SLC24A2: variants seen among roughly 807,000 people sequenced by gnomAD.
SLC24A2 encodes solute carrier family 24 member 2, also known as sodium/potassium/calcium exchanger 2.
In SLC24A2, 36 loss-of-function variants were observed where a neutral mutation model predicts 62.0. That is an observed-to-expected ratio of 0.58 (90% CI 0.44 to 0.77). The LOEUF (loss-of-function observed/expected upper bound fraction) is 0.77. Among genes scored for constraint, SLC24A2 ranks in the 30% least tolerant of loss-of-function variants. The probability of loss-of-function intolerance (pLI) is 0.00; values close to 1 mark genes in which losing one functional copy is unlikely to be tolerated. For missense variants in SLC24A2, 846 were observed against 817.9 expected (o/e 1.03, Z -0.42); for synonymous variants, 358 against 294.0 (o/e 1.22, Z -2.23).
At chr9:19,631,569 A>G (rs762622924) in intron 2 of SLC24A2, among the ~76,000 whole-genome samples, 62 of 152,126 alleles carry the variant, frequency 4.1e-4, no homozygotes, top group Non-Finnish European at 6.8e-4. Context: ...TATACTTCCA[A>G]TTTTGCCCAC....
chr9:19,682,234 G>A (rs1819743892), intron 2 of SLC24A2, among the ~76,000 whole-genome samples: 1 of 152,164 alleles, frequency 6.6e-6, no homozygotes, highest in Non-Finnish European at 1.5e-5. Context: ...TGGGCCAGGA[G>A]TAAGAGTCTC....
the SLC24A2 span, among the ~76,000 whole-genome samples, chr9:20,234,522 C>T: frequency 6.6e-6 from 1 of 152,236 alleles, no homozygotes; most frequent in Non-Finnish European, 1.5e-5. Flanking sequence ...ATCGCATCAG[C>T]TACTGAGGCT....
chr9:20,056,836 C>T, the SLC24A2 span, among the ~76,000 whole-genome samples: 1 of 152,192 alleles, frequency 6.6e-6, no homozygotes, highest in Non-Finnish European at 1.5e-5. Flanking sequence ...CATCTCCATC[C>T]TCTTGAATGA....
At chr9:20,245,018 C>T in the SLC24A2 span, among the ~76,000 whole-genome samples, 3 of 152,092 alleles carry the variant, frequency 2.0e-5, no homozygotes, top group Non-Finnish European at 2.9e-5. Context: ...TCCTAAGTCA[C>T]GTATTCCTGT....
At chr9:20,306,620 T>C in the SLC24A2 span, among the ~76,000 whole-genome samples, 7 of 152,266 alleles carry the variant, frequency 4.6e-5, no homozygotes, top group African/African-American at 1.7e-4. Context: ...GGCAGGGCCG[T>C]GTTGGGTGTC....
chr9:20,153,392 A>C, the SLC24A2 span, among the ~76,000 whole-genome samples: 2 of 151,890 alleles, frequency 1.3e-5, no homozygotes, highest in African/African-American at 4.8e-5. Flanking sequence ...GTAAAAGCAT[A>C]AGAGAAAAAA....
At chr9:19,607,001 G>C (rs1441842201) in intron 4 of SLC24A2, among the ~76,000 whole-genome samples, 2 of 151,558 alleles carry the variant, frequency 1.3e-5, no homozygotes, top group East Asian at 3.9e-4. Context: ...GTGTTCCCTA[G>C]TGTCAGAGAA....
chr9:19,604,271 A>T (rs900214999), intron 4 of SLC24A2, among the ~76,000 whole-genome samples: 1 of 151,934 alleles, frequency 6.6e-6, no homozygotes, highest in African/African-American at 2.4e-5. Context: ...GGTGGTCTTG[A>T]CTCTTGGAAT....
intron 2 of SLC24A2, among the ~76,000 whole-genome samples, chr9:19,634,714 T>C (rs1818269158): frequency 6.6e-6 from 1 of 152,152 alleles, no homozygotes; most frequent in Admixed American, 6.5e-5. Flanking sequence ...ATTCAGAAAA[T>C]AGAAGTCATC....
the SLC24A2 span, among the ~76,000 whole-genome samples, chr9:20,051,960 T>C: frequency 6.6e-6 from 1 of 152,078 alleles, no homozygotes; most frequent in Non-Finnish European, 1.5e-5. Context: ...TGGATAATAA[T>C]TGTTTCTAGC....
chr9:19,738,749 T>C (rs1366354972), intron 2 of SLC24A2, among the ~76,000 whole-genome samples: 1 of 152,082 alleles, frequency 6.6e-6, no homozygotes, highest in Non-Finnish European at 1.5e-5. Flanking sequence ...TCTCAGTAAA[T>C]CAATTATATT....
chr9:19,590,486 C>G (rs1168152135), intron 5 of SLC24A2, among the ~76,000 whole-genome samples: 1 of 152,200 alleles, frequency 6.6e-6, no homozygotes, highest in Non-Finnish European at 1.5e-5. Flanking sequence ...TCCTGCCCTT[C>G]CTTATTACTT....
At chr9:20,300,804 T>C in the SLC24A2 span, among the ~76,000 whole-genome samples, 3 of 152,216 alleles carry the variant, frequency 2.0e-5, no homozygotes, top group Non-Finnish European at 2.9e-5. Context: ...GACCATGTCT[T>C]AGGGGCAATG....
chr9:19,862,570 A>G, the SLC24A2 span, among the ~76,000 whole-genome samples: 248 of 152,250 alleles, frequency 1.6e-3, no homozygotes, highest in Non-Finnish European at 2.6e-3. Context: ...ACTGTGGTGT[A>G]TAAACTACTC....
chr9:19,823,312 T>C, the SLC24A2 span, among the ~76,000 whole-genome samples: 2 of 152,200 alleles, frequency 1.3e-5, no homozygotes, highest in East Asian at 1.9e-4. Context: ...TGTGTGTGTG[T>C]GTGTGTGTGT....
chr9:20,182,717 G>A, the SLC24A2 span, among the ~76,000 whole-genome samples: 1 of 152,128 alleles, frequency 6.6e-6, no homozygotes, highest in African/African-American at 2.4e-5. Flanking sequence ...AAACCAACAG[G>A]CACATGTATA....
At chr9:19,807,153 G>A in the SLC24A2 span, among the ~76,000 whole-genome samples, 4 of 152,026 alleles carry the variant, frequency 2.6e-5, no homozygotes, top group Non-Finnish European at 4.4e-5. Context: ...GTCCTTTTTT[G>A]GAAACAATCC....
the SLC24A2 span, among the ~76,000 whole-genome samples, chr9:19,923,343 C>T: frequency 6.6e-6 from 1 of 152,288 alleles, no homozygotes; most frequent in East Asian, 1.9e-4. Context: ...GGTGGTGGGA[C>T]TCTGTTCCTT....
chr9:20,106,527 T>C, the SLC24A2 span, among the ~76,000 whole-genome samples: 2 of 152,202 alleles, frequency 1.3e-5, no homozygotes, highest in African/African-American at 2.4e-5. Flanking sequence ...ATCCCTGGGA[T>C]GCAAGGCTGG....
Sources: allele counts gnomAD v4.1 joint callset (sites outside exome capture counted in the v4.1 genomes callset), GRCh38; gene constraint gnomAD v4.1.1; transcripts MANE v1.5; gene names NCBI Gene and HGNC (gene_info 2026-07-23, HGNC 2026-07-21).